VMP1: variants seen among roughly 807,000 people sequenced by gnomAD.
VMP1 encodes vacuole membrane protein 1.
A neutral mutation model predicts 56.0 loss-of-function variants in VMP1; 11 were observed. The observed-to-expected ratio is 0.20, with a 90% CI of 0.12 to 0.32. The LOEUF is 0.32. Ranked by LOEUF, VMP1 falls within the 10% of genes least tolerant of loss-of-function variation. The pLI is 1.00. For synonymous variants in VMP1, 149 were observed against 165.0 expected (o/e 0.90, Z 0.74); for missense variants, 296 against 490.3 (o/e 0.60, Z 3.74).
At chr17:59,733,356 A>G (rs1019265093) in intron 2 of VMP1, among the ~76,000 whole-genome samples, 10 of 152,060 alleles carry the variant, frequency 6.6e-5, no homozygotes, top group African/African-American at 1.7e-4. Context: ...AAGTCATTTC[A>G]CCTTATACCT....
At chr17:59,802,454 G>T (rs1380895380) in intron 7 of VMP1, among the ~76,000 whole-genome samples, 12 of 152,086 alleles carry the variant, frequency 7.9e-5, no homozygotes, top group Non-Finnish European at 1.3e-4. Flanking sequence ...TATGCCAGTT[G>T]TTAAGCCACA....
At chr17:59,775,369 T>C (rs28369515) in intron 7 of VMP1, among the ~76,000 whole-genome samples, 2,019 of 152,254 alleles carry the variant, frequency 0.013, 38 homozygotes, top group African/African-American at 0.045. Context: ...GAGCCCTGAT[T>C]GTGCCACTGC....
chr17:59,838,151 G>A, intron 10 of VMP1, 144 bp from the exon 11 acceptor site: 1 of 316,726 alleles, frequency 3.2e-6, no homozygotes, highest in Non-Finnish European at 5.8e-6. Context: ...AATTTCAGCA[G>A]TTCTCTGATT....
Position 59,840,329 on chromosome 17 carries a change from A to G in VMP1, c.*418A>G, listed in dbSNP as rs1301538867. On this transcript the variant is annotated 3_prime_UTR_variant, in exon 12 of 12. Transcript: ENST00000262291. ...TAAGTCATCAAAATGTATATAAATTATCTAGATTGGATAACAGTCTTGCAT... is the reference window on the plus strand; with the variant it reads ...TAAGTCATCAAAATGTATATAAATTGTCTAGATTGGATAACAGTCTTGCAT... 5.6e-6 allele frequency: 1 copy of G among 178,370 alleles called. No individual in the cohort carries two copies. The highest frequency in any genetic ancestry group is 1.9e-4 in the East Asian group (1 of 5,392). The allele number at this position is 178,370 out of a possible 1,614,324, so 11.0% of individuals were successfully genotyped here.
At chr17:59,811,898 G>T in intron 9 of VMP1, 112 bp downstream of exon 9, 1 of 776,016 alleles carries the variant, frequency 1.3e-6, no homozygotes, top group South Asian at 1.7e-5. Flanking sequence ...TTTTTGGTTG[G>T]TAGCTTACTT....
intron 1 of VMP1, among the ~76,000 whole-genome samples, chr17:59,727,074 T>G (rs919293063): frequency 4.6e-5 from 7 of 152,202 alleles, no homozygotes; most frequent in Admixed American, 1.3e-4. Context: ...TTTTACAAAT[T>G]AAGAAAAACT....
At chr17:59,823,003 T>C (rs1200502728) in intron 10 of VMP1, among the ~76,000 whole-genome samples, 1 of 152,148 alleles carries the variant, frequency 6.6e-6, no homozygotes, top group Non-Finnish European at 1.5e-5. Flanking sequence ...GAAAAATTGT[T>C]TGAGGCAGGA....
chr17:59,717,951 G>A (rs2034232409), intron 1 of VMP1, among the ~76,000 whole-genome samples: 1 of 151,846 alleles, frequency 6.6e-6, no homozygotes, highest in Non-Finnish European at 1.5e-5. Context: ...ATCAGACCCA[G>A]GGCAGTTTAT....
At chr17:59,773,578 G>A (rs1171407859) in intron 6 of VMP1, among the ~76,000 whole-genome samples, 176 bp from the exon 7 acceptor site, 2 of 152,070 alleles carry the variant, frequency 1.3e-5, no homozygotes, top group Non-Finnish European at 2.9e-5. Flanking sequence ...CATCAGATAG[G>A]TCAGAATTAG....
intron 7 of VMP1, among the ~76,000 whole-genome samples, chr17:59,802,592 A>AT (rs1307480381): frequency 9.2e-5 from 14 of 152,050 alleles, no homozygotes; most frequent in African/African-American, 2.7e-4. Flanking sequence ...CTTTTATTTC[A>AT]TTTTTTTATG....
chr17:59,711,335 C>A (rs966023183), intron 1 of VMP1, among the ~76,000 whole-genome samples: 4 of 151,710 alleles, frequency 2.6e-5, no homozygotes, highest in Non-Finnish European at 4.4e-5. Context: ...TAGTCTTTCT[C>A]GGAGATGATA....
intron 7 of VMP1, among the ~76,000 whole-genome samples, chr17:59,802,051 A>C (rs988435548): frequency 6.6e-6 from 1 of 151,924 alleles, no homozygotes; most frequent in African/African-American, 2.4e-5. Flanking sequence ...AAATACAAAA[A>C]TTAGCTGGGC....
chr17:59,712,880 C>T (rs1043734911), intron 1 of VMP1, among the ~76,000 whole-genome samples: 3 of 152,010 alleles, frequency 2.0e-5, no homozygotes, highest in Non-Finnish European at 4.4e-5. Flanking sequence ...CGGGCAAGAA[C>T]AGAAATGGAG....
At position 59,746,541 on chromosome 17, in the gene VMP1, T is replaced by C. The variant is rs1370096760; in HGVS notation, c.414+7594T>C. Reference sequence around the variant, plus strand: ...ATCTTAGAAGTCCTCATCACTTCTTTAAATGTTACAAATAAAAGTTACTGT... The same window carrying C: ...ATCTTAGAAGTCCTCATCACTTCTTCAAATGTTACAAATAAAAGTTACTGT... On this transcript the variant is annotated intron_variant, in intron 5 of 11. Coordinates refer to ENST00000262291, the MANE Select transcript of VMP1 (RefSeq NM_030938.5). Among the ~76,000 whole-genome samples, 4 of 152,270 alleles carry C rather than the reference T, an allele frequency of 2.6e-5. No individual in the cohort carries two copies. The South Asian group carries it at 8.3e-4, about 31-fold the overall frequency.
In VMP1 at chr17:59,842,002, CTT is replaced by C. The variant is rs908564572; in HGVS notation, c.*2094_*2095del. The C allele has an allele frequency of 6.6e-6, 1 of 152,186 alleles. No individual in the cohort carries two copies. Among genetic ancestry groups the C allele is most frequent in the Non-Finnish European group, 1.5e-5 (1 of 68,046 alleles). 9.4% of individuals were successfully genotyped at this position (152,186 alleles called of 1,614,324 possible). On this transcript the variant is annotated 3_prime_UTR_variant, in exon 12 of 12. Transcript: ENST00000262291. ...TGAAGAGCAGCTGTCCTTCTTTCCTCTTTTAAGTGTTCAGCTGTGGCATGCTC... is the reference window on the plus strand; with the variant it reads ...TGAAGAGCAGCTGTCCTTCTTTCCTCTTAAGTGTTCAGCTGTGGCATGCTC...
intron 7 of VMP1, among the ~76,000 whole-genome samples, chr17:59,783,893 A>C (rs565429739): frequency 2.6e-5 from 4 of 152,312 alleles, no homozygotes; most frequent in African/African-American, 9.6e-5. Flanking sequence ...TCTGAAAAAT[A>C]TCTCTACTTA....
At chr17:59,839,704 CCT>C in intron 11 of VMP1, 62 bp from the exon 12 acceptor site, 2 of 1,535,872 alleles carry the variant, frequency 1.3e-6, no homozygotes, top group Non-Finnish European at 1.7e-6. Flanking sequence ...TATAGATGAT[CCT>C]CTTTTTACTA....
intron 10 of VMP1, among the ~76,000 whole-genome samples, chr17:59,818,860 G>A (rs879861597): frequency 3.3e-5 from 5 of 152,138 alleles, no homozygotes; most frequent in African/African-American, 1.2e-4. Context: ...CGGGGGAAAT[G>A]TGTCAAGTTT....
In VMP1 at chr17:59,715,440, A is replaced by G. The variant is rs374085367; in HGVS notation, c.-27+7692A>G. Among the ~76,000 whole-genome samples, 8 of 152,312 alleles carry G rather than the reference A, an allele frequency of 5.3e-5. No individual in the cohort carries two copies. The South Asian group carries it at 1.7e-3, about 32-fold the overall frequency. On this transcript the variant is annotated intron_variant, in intron 1 of 11. Transcript: ENST00000262291. Reference sequence around the variant, plus strand: ...AGGAGGAATTGTCAAACACATAACCATCAGATCTCGTGAGAACTCACTCAC... The same window carrying G: ...AGGAGGAATTGTCAAACACATAACCGTCAGATCTCGTGAGAACTCACTCAC...
Sources: allele counts gnomAD v4.1 joint callset (sites outside exome capture counted in the v4.1 genomes callset), GRCh38; gene constraint gnomAD v4.1.1; transcripts MANE v1.5; gene names NCBI Gene and HGNC (gene_info 2026-07-23, HGNC 2026-07-21).